The following TESMIN variants were observed in gnomAD, a reference collection of about 807,000 sequenced individuals.
The protein encoded by TESMIN is CXC domain containing 2.
A neutral mutation model predicts 47.4 loss-of-function variants in TESMIN; 34 were observed. The observed-to-expected ratio is 0.72, with a 90% CI of 0.55 to 0.96. TESMIN has a LOEUF of 0.96. Ranked by LOEUF, TESMIN falls within the 40% of genes least tolerant of loss-of-function variation. The pLI, the probability that TESMIN is intolerant of heterozygous loss-of-function variation, is 0.00. For synonymous variants in TESMIN, 278 were observed against 258.9 expected (o/e 1.07, Z -0.71); for missense variants, 610 against 637.2 (o/e 0.96, Z 0.46).
chr11:68,724,082 G>T (rs1946233810), intron 6 of TESMIN, among the ~76,000 whole-genome samples: 1 of 152,096 alleles, frequency 6.6e-6, no homozygotes, highest in South Asian at 2.1e-4. Flanking sequence ...CAAAATGAAA[G>T]AATATATGAG....
At chr11:68,748,104 A>C (rs1206471278) in intron 2 of TESMIN, among the ~76,000 whole-genome samples, 1 of 152,192 alleles carries the variant, frequency 6.6e-6, no homozygotes, top group East Asian at 1.9e-4. Flanking sequence ...GGCTCCCCAA[A>C]GGCCAGGAGG....
chr11:68,742,706 A>G (rs1022579076), intron 4 of TESMIN, among the ~76,000 whole-genome samples: 3 of 152,148 alleles, frequency 2.0e-5, no homozygotes, highest in Admixed American at 6.5e-5. Flanking sequence ...GGTGCCCTGC[A>G]TAGCCACAGC....
Position 68,708,211 on chromosome 11 carries a change from G to A in TESMIN, c.*97C>T, listed in dbSNP as rs1594281758. 3 of 1,240,218 alleles carry A rather than the reference G, an allele frequency of 2.4e-6. No homozygotes were observed. Among genetic ancestry groups the A allele is most frequent in the South Asian group, 3.0e-5 (2 of 67,128 alleles). 76.8% of individuals were successfully genotyped at this position (1,240,218 alleles called of 1,614,324 possible). ...CCCAGGGATGCAGGGGAGCCTGGTT[G>A]TTGCTGCAGAGCCAGCCTCATGTTC... is the stretch of plus-strand genomic sequence containing the variant. On this transcript the variant is annotated 3_prime_UTR_variant, in exon 10 of 10. Coordinates refer to ENST00000255087, the MANE Select transcript of TESMIN (RefSeq NM_004923.3).
chr11:68,713,274 T>C lies in TESMIN; in HGVS notation c.1154A>G (p.Tyr385Cys), dbSNP rs927614159. The C allele has an allele frequency of 2.2e-5, 35 of 1,614,120 alleles. No homozygotes were observed. The highest frequency in any genetic ancestry group is 2.8e-5 in the Non-Finnish European group (33 of 1,179,978). ...SGCLKNYCECYEAQIMCSSIC... is the reference protein window; with the variant it reads ...SGCLKNYCECCEAQIMCSSIC... Reference sequence around the variant, plus strand: ...GTTAGGGAGCTGGGCACTAACCTCATAGCACTCGCAGTAATTCTTCAGGCA... The same window carrying C: ...GTTAGGGAGCTGGGCACTAACCTCACAGCACTCGCAGTAATTCTTCAGGCA... Residue 385 changes from tyrosine to cysteine, a missense_variant, in exon 8 of 10, where the codon TAT (tyrosine) becomes TGT (cysteine). Physicochemically the swap from Tyr to Cys is radical, Grantham distance 194. Coordinates refer to ENST00000255087, the MANE Select transcript of TESMIN (RefSeq NM_004923.3).
chr11:68,721,923 G>A (rs562795411), intron 6 of TESMIN, among the ~76,000 whole-genome samples: 207 of 152,276 alleles, frequency 1.4e-3, no homozygotes, highest in African/African-American at 4.3e-3. Flanking sequence ...GGAAAGATAC[G>A]GCAGTTCCTC....
intron 3 of TESMIN, among the ~76,000 whole-genome samples, chr11:68,745,672 C>T (rs1946511513): frequency 6.6e-6 from 1 of 152,250 alleles, no homozygotes; most frequent in South Asian, 2.1e-4. Context: ...TTATTTCCTA[C>T]AAGTACAGCT....
chr11:68,736,054 G>C (rs1048037088), intron 6 of TESMIN: 175 of 981,056 alleles, frequency 1.8e-4, no homozygotes, highest in Non-Finnish European at 2.0e-4. Flanking sequence ...GGACAACTCT[G>C]CCTCAGAAAA....
chr11:68,717,142 AC>A (rs1946149493), intron 6 of TESMIN, among the ~76,000 whole-genome samples: 1 of 152,256 alleles, frequency 6.6e-6, no homozygotes, highest in Non-Finnish European at 1.5e-5. Context: ...ATTCCCAAAC[AC>A]AATTCTTTTC....
intron 2 of TESMIN, among the ~76,000 whole-genome samples, chr11:68,747,592 C>T (rs1946538307): frequency 1.3e-5 from 2 of 152,154 alleles, no homozygotes; most frequent in Non-Finnish European, 2.9e-5. Context: ...CCATTGCATT[C>T]CAGCCCAGCC....
chr11:68,711,433 G>A (rs889991301), intron 8 of TESMIN, among the ~76,000 whole-genome samples: 1 of 102,716 alleles, frequency 9.7e-6, no homozygotes, highest in Non-Finnish European at 2.1e-5. Context: ...TTGAATGTGT[G>A]CGTTTGAGAG....
chr11:68,707,682 G>C lies in TESMIN; in HGVS notation c.*626C>G. 2.8e-6 allele frequency: 1 copy of C among 360,142 alleles called. No homozygotes were observed. The highest frequency in any genetic ancestry group is 2.0e-5 in the South Asian group (1 of 49,972). The allele number at this position is 360,142 out of a possible 1,614,324, so 22.3% of individuals were successfully genotyped here. A position where few individuals can be genotyped will look rare whatever the true frequency, so the allele number is the denominator to read the frequency against. On this transcript the variant is annotated 3_prime_UTR_variant, in exon 10 of 10. Coordinates refer to ENST00000255087, the MANE Select transcript of TESMIN (RefSeq NM_004923.3). ...AAGTCCTCTAACTCAAGACATGCTG[G>C]TGCAAGCCTGGCCTGCGAGGCCCCA...
intron 4 of TESMIN, among the ~76,000 whole-genome samples, chr11:68,744,601 G>A (rs1946495743): frequency 6.6e-6 from 1 of 152,220 alleles, no homozygotes; most frequent in African/African-American, 2.4e-5. Context: ...ACATTAAAAT[G>A]TAGGTGTTTA....
chr11:68,750,253 C>A lies in TESMIN; in HGVS notation c.408G>T (p.Ala136=), dbSNP rs751097837. The change falls in exon 2 of 10, where the codon GCG becomes GCT. Residue 136 remains alanine, a synonymous_variant. Coordinates refer to ENST00000255087, the MANE Select transcript of TESMIN (RefSeq NM_004923.3). ...GGACCCAGGCGCCCAGGGGCAACAC[C>A]GCCGGGCTGCGGTGCGCGGGTAGCA... The part of the protein sequence containing the change: ...SSLLPAHRSP[A]VLPLGAWVLE... The A allele has an allele frequency of 1.9e-6, 3 of 1,540,138 alleles. No individual in the cohort carries two copies. Among genetic ancestry groups the A allele is most frequent in the African/African-American group, 1.4e-5 (1 of 70,616 alleles).
Position 68,710,964 on chromosome 11 carries a change from A to G in TESMIN, c.1244T>C (p.Met415Thr), listed in dbSNP as rs1210417217. Residue 415 changes from methionine to threonine, a missense_variant, in exon 9 of 10, where the codon ATG becomes ACG. Coordinates refer to ENST00000255087, the MANE Select transcript of TESMIN (RefSeq NM_004923.3). ...ACCTCCAGTCTGCATGTAGTTTGGC[A>G]TGCTCATTAGTGTCTTTCGTTCTGG... Reference protein sequence around the residue: ...ESPERKTLMSMPNYMQTGGLE... With the variant: ...ESPERKTLMSTPNYMQTGGLE... 1.2e-6 allele frequency: 2 copies of G among 1,614,022 alleles called. No homozygotes were observed. Among genetic ancestry groups the G allele is most frequent in the Non-Finnish European group, 1.7e-6 (2 of 1,180,010 alleles).
chr11:68,746,532 G>C (rs939101227), intron 3 of TESMIN, among the ~76,000 whole-genome samples: 3 of 152,150 alleles, frequency 2.0e-5, no homozygotes, highest in Non-Finnish European at 4.4e-5. Flanking sequence ...AGAATTGCTG[G>C]GGGAAAGGCA....
At position 68,708,084 on chromosome 11, in the gene TESMIN, C is replaced by T. The variant is rs1229373375; in HGVS notation, c.*224G>A. ...TCCCAGGACTATGGGAACCCAAGCT[C>T]TCTCCTCTGGGCCAGACAAACAATG... On this transcript the variant is annotated 3_prime_UTR_variant, in exon 10 of 10. Coordinates refer to ENST00000255087, the MANE Select transcript of TESMIN (RefSeq NM_004923.3). 2 of 543,408 alleles carry T rather than the reference C, an allele frequency of 3.7e-6. No individual in the cohort carries two copies. Among genetic ancestry groups the T allele is most frequent in the Non-Finnish European group, 6.6e-6 (2 of 302,336 alleles). 33.7% of individuals were successfully genotyped at this position (543,408 alleles called of 1,614,324 possible).
chr11:68,733,186 C>T (rs188588780), intron 6 of TESMIN, among the ~76,000 whole-genome samples: 9 of 152,336 alleles, frequency 5.9e-5, no homozygotes, highest in East Asian at 5.8e-4. Context: ...TTCCAGCCCC[C>T]GACTCCACGT....
chr11:68,743,519 G>C (rs1946484154), intron 4 of TESMIN, among the ~76,000 whole-genome samples: 1 of 152,014 alleles, frequency 6.6e-6, no homozygotes. Flanking sequence ...AAAGTGCTAG[G>C]ATTATAGGCG....
intron 7 of TESMIN, among the ~76,000 whole-genome samples, chr11:68,714,369 C>A (rs1191696040): frequency 6.7e-6 from 1 of 150,134 alleles, no homozygotes; most frequent in Non-Finnish European, 1.5e-5. Context: ...GTGTGCACAC[C>A]TGTGTACCTG....
Sources: allele counts gnomAD v4.1 joint callset (sites outside exome capture counted in the v4.1 genomes callset), GRCh38; gene constraint gnomAD v4.1.1; transcripts MANE v1.5; gene names NCBI Gene and HGNC (gene_info 2026-07-23, HGNC 2026-07-21).